PTPN14: variants seen among roughly 807,000 people sequenced by gnomAD.
PTPN14 encodes the protein protein tyrosine phosphatase non-receptor type 14, also known as tyrosine-protein phosphatase non-receptor type 14.
Under a neutral mutation model 126.8 loss-of-function variants are expected in PTPN14, and 53 were observed. The observed-to-expected ratio is 0.42, with a 90% CI of 0.34 to 0.53. PTPN14 has a LOEUF of 0.53. Ranked by LOEUF, PTPN14 falls within the 20% of genes least tolerant of loss-of-function variation. The probability of loss-of-function intolerance (pLI) is 0.08; values close to 1 mark genes in which losing one functional copy is unlikely to be tolerated. For synonymous variants in PTPN14, 630 were observed against 599.3 expected (o/e 1.05, Z -0.75); for missense variants, 1,257 against 1,552.9 (o/e 0.81, Z 3.20).
chr1:214,428,910 G>C (rs2102604312), intron 3 of PTPN14, among the ~76,000 whole-genome samples: 1 of 152,228 alleles, frequency 6.6e-6, no homozygotes, highest in South Asian at 2.1e-4. Context: ...AAAAGATTGG[G>C]GAGAAAAAAC....
chr1:214,406,611 C>G (rs1182420566), intron 5 of PTPN14, among the ~76,000 whole-genome samples: 1 of 151,992 alleles, frequency 6.6e-6, no homozygotes, highest in East Asian at 1.9e-4. Flanking sequence ...CTGAAGAGAG[C>G]CATTTTAGAT....
intron 1 of PTPN14, among the ~76,000 whole-genome samples, chr1:214,524,986 G>T (rs1445449768): frequency 6.6e-6 from 1 of 152,192 alleles, no homozygotes; most frequent in Non-Finnish European, 1.5e-5. Flanking sequence ...GCCATGGAGG[G>T]TGTCAGGAAA....
chr1:214,407,878 C>T (rs1158927617), intron 5 of PTPN14, among the ~76,000 whole-genome samples: 2 of 152,178 alleles, frequency 1.3e-5, no homozygotes, highest in African/African-American at 2.4e-5. Flanking sequence ...CTCAAAGGAG[C>T]CCATGCATTC....
At chr1:214,539,185 T>A (rs752376922) in intron 1 of PTPN14, among the ~76,000 whole-genome samples, 2 of 152,206 alleles carry the variant, frequency 1.3e-5, no homozygotes, top group African/African-American at 4.8e-5. Context: ...GTCTTCTCTA[T>A]CCAGGTAACT....
intron 1 of PTPN14, among the ~76,000 whole-genome samples, chr1:214,476,657 C>A (rs1343982825): frequency 6.6e-6 from 1 of 152,140 alleles, no homozygotes; most frequent in African/African-American, 2.4e-5. Context: ...GCCTCATTCA[C>A]CAGTTTCTCC....
At position 214,376,439 on chromosome 1, in the gene PTPN14, T is replaced by C; in HGVS notation, c.2689-2A>G. The C allele has an allele frequency of 6.2e-7, 1 of 1,605,670 alleles. No individual in the cohort carries two copies. The highest frequency in any genetic ancestry group is 8.5e-7 in the Non-Finnish European group (1 of 1,173,096). On this transcript the variant is annotated splice_acceptor_variant, in intron 14 of 18. Transcript: ENST00000366956. LOFTEE classifies it high-confidence loss of function. Reference sequence around the variant, plus strand: ...TAGTTTCTTCTTCAGGGTTCTGAACTGCAACAGAAATTGATCTTCAGCTCT... The same window carrying C: ...TAGTTTCTTCTTCAGGGTTCTGAACCGCAACAGAAATTGATCTTCAGCTCT...
intron 1 of PTPN14, among the ~76,000 whole-genome samples, chr1:214,505,067 T>C (rs1449142979): frequency 1.3e-5 from 2 of 151,876 alleles, no homozygotes; most frequent in Non-Finnish European, 2.9e-5. Flanking sequence ...GCCAGTCTCA[T>C]GGAAAGATCC....
chr1:214,419,975 G>C (rs1010639840), intron 3 of PTPN14, among the ~76,000 whole-genome samples: 1 of 152,196 alleles, frequency 6.6e-6, no homozygotes, highest in Non-Finnish European at 1.5e-5. Context: ...CTCTTGAGAA[G>C]AATTTCAGTT....
intron 18 of PTPN14, among the ~76,000 whole-genome samples, chr1:214,361,039 T>G (rs1310159895): frequency 6.6e-6 from 1 of 152,176 alleles, no homozygotes; most frequent in Non-Finnish European, 1.5e-5. Context: ...CCACCATGAT[T>G]GTAAGTTTCC....
intron 3 of PTPN14, among the ~76,000 whole-genome samples, chr1:214,415,461 T>C (rs1238525106): frequency 1.3e-5 from 2 of 152,226 alleles, no homozygotes; most frequent in African/African-American, 4.8e-5. Context: ...TCCACTTCCT[T>C]TGCCCATACT....
intron 3 of PTPN14, among the ~76,000 whole-genome samples, chr1:214,433,673 G>A (rs561404514): frequency 2.1e-4 from 32 of 151,942 alleles, no homozygotes; most frequent in African/African-American, 6.8e-4. Flanking sequence ...CTGCTTATAC[G>A]TCCAGTTCCC....
chr1:214,477,606 T>C (rs1300315517), intron 1 of PTPN14, among the ~76,000 whole-genome samples: 3 of 152,202 alleles, frequency 2.0e-5, no homozygotes, highest in Admixed American at 6.5e-5. Flanking sequence ...ATCGGTGACC[T>C]CAAAACAAGA....
chr1:214,402,909 C>T lies in PTPN14; in HGVS notation c.555G>A (p.Lys185=), dbSNP rs1313113333. 1 of 1,614,024 alleles carries T rather than the reference C, an allele frequency of 6.2e-7. No individual in the cohort carries two copies. The highest frequency in any genetic ancestry group is 1.1e-5 in the South Asian group (1 of 91,074). The part of the protein sequence containing the change: ...EEAVLEELTQ[K]VAQEHKAHSG... ...TGTGGGCTTTGTGTTCTTGGGCTAC[C>T]TTCTGGGTCAGCTCCTCCAGAACAG... Residue 185 remains lysine (K), a synonymous_variant, in exon 6 of 19, where the codon AAG becomes AAA. Coordinates refer to ENST00000366956, the MANE Select transcript of PTPN14 (RefSeq NM_005401.5).
At chr1:214,418,126 A>G (rs896368699) in intron 3 of PTPN14, among the ~76,000 whole-genome samples, 1 of 152,288 alleles carries the variant, frequency 6.6e-6, no homozygotes, top group East Asian at 1.9e-4. Context: ...CTCCCAAGCA[A>G]AAGTGTCCAG....
At chr1:214,423,807 C>T (rs1659597041) in intron 3 of PTPN14, among the ~76,000 whole-genome samples, 1 of 151,700 alleles carries the variant, frequency 6.6e-6, no homozygotes, top group Non-Finnish European at 1.5e-5. Flanking sequence ...ATGGTGAAAC[C>T]ACGTCTCTAC....
In PTPN14 at chr1:214,357,760, A is replaced by T; in HGVS notation, c.*162T>A. On this transcript the variant is annotated 3_prime_UTR_variant, in exon 19 of 19. Transcript: ENST00000366956. The stretch of plus-strand genomic sequence containing the variant: ...GAAAAAAATAAATTATCTCATATAA[A>T]ATAATACATGGTATGTGTGAATAAT... 1 of 548,700 alleles carries T rather than the reference A, an allele frequency of 1.8e-6. No homozygotes were observed. The highest frequency in any genetic ancestry group is 3.3e-5 in the Admixed American group (1 of 30,372). The allele number at this position is 548,700 out of a possible 1,614,324, so 34.0% of individuals were successfully genotyped here.
rs917353434 is a variant in PTPN14, at chr1:214,349,114, C to T, written c.*8808G>A. The T allele has an allele frequency of 2.0e-5, 3 of 152,180 alleles. No individual in the cohort carries two copies. Among genetic ancestry groups the T allele is most frequent in the Non-Finnish European group, 4.4e-5 (3 of 68,032 alleles). 9.4% of individuals were successfully genotyped at this position (152,180 alleles called of 1,614,324 possible). A position where few individuals can be genotyped will look rare whatever the true frequency, so the allele number is the denominator to read the frequency against. ...TAGGGAATGTCCTATAAACATCTCA[C>T]CCCTCCCTCTGCTTACAACTACAGT... On this transcript the variant is annotated 3_prime_UTR_variant, in exon 19 of 19. Transcript: ENST00000366956.
intron 1 of PTPN14, among the ~76,000 whole-genome samples, chr1:214,543,672 C>T (rs111776142): frequency 0.018 from 2,704 of 151,944 alleles, 26 homozygotes; most frequent in South Asian, 0.033. Context: ...CGCTCTGTCT[C>T]CCAGGCTGGT....
chr1:214,403,451 C>T (rs530814148), intron 5 of PTPN14, among the ~76,000 whole-genome samples: 19 of 152,054 alleles, frequency 1.2e-4, no homozygotes, highest in East Asian at 1.2e-3. Flanking sequence ...TTGATGGTCA[C>T]GGGGGCAGAG....
Sources: allele counts gnomAD v4.1 joint callset (sites outside exome capture counted in the v4.1 genomes callset), GRCh38; gene constraint gnomAD v4.1.1; transcripts MANE v1.5; gene names NCBI Gene and HGNC (gene_info 2026-07-23, HGNC 2026-07-21).